Variants in TEX36 observed in about 807,000 individuals in gnomAD.
The protein encoded by TEX36 is testis expressed 36, also known as testis-expressed protein 36.
TEX36 carries 12 observed loss-of-function variants against 13.6 expected under a neutral mutation model. The ratio of observed to expected loss-of-function variants is 0.88; its 90% CI spans 0.56 to 1.43. The LOEUF is 1.43. Ranked by LOEUF, TEX36 falls within the 40% of genes most tolerant of loss-of-function variation. TEX36 has a pLI of 0.00. For missense variants in TEX36, 224 were observed against 228.3 expected (o/e 0.98, Z 0.12); for synonymous variants, 93 against 83.0 (o/e 1.12, Z -0.65).
At chr10:125,665,076 GGTTGTTGTTGTT>G (rs144778574) in intron 1 of TEX36, among the ~76,000 whole-genome samples, 1 of 151,710 alleles carries the variant, frequency 6.6e-6, no homozygotes, top group Non-Finnish European at 1.5e-5. Context: ...TTGGTTTTTT[GGTTGTTGTTGTT>G]GTTGTTGTTG....
chr10:125,655,747 C>T lies in TEX36; in HGVS notation c.*153G>A. 4.5e-6 allele frequency: 6 copies of T among 1,331,584 alleles called. No homozygotes were observed. Among genetic ancestry groups the T allele is most frequent in the Non-Finnish European group, 5.7e-6 (6 of 1,043,544 alleles). 82.5% of individuals were successfully genotyped at this position (1,331,584 alleles called of 1,614,324 possible). On this transcript the variant is annotated 3_prime_UTR_variant, in exon 4 of 4. Coordinates refer to ENST00000368821, the MANE Select transcript of TEX36 (RefSeq NM_001128202.3). ...ACACATGCGTATGTCATCACAAATT[C>T]ATTTCACAAGGATTTGAATGTTTTT...
intron 3 of TEX36, among the ~76,000 whole-genome samples, chr10:125,616,443 C>T (rs1244544199): frequency 7.8e-6 from 1 of 128,084 alleles, no homozygotes; most frequent in African/African-American, 3.0e-5. Flanking sequence ...TTTCCCTCTA[C>T]ACACTGCTTT....
At position 125,666,860 on chromosome 10, in the gene TEX36, G is replaced by T. The variant is rs7098714; in HGVS notation, c.52-4883C>A. ...GGGGCCTGGAGTGTTGGGAACAGCC[G>T]GGGAACACCTCCACTTAGTAGGTAT... On this transcript the variant is annotated intron_variant, in intron 1 of 3. Coordinates refer to ENST00000368821, the MANE Select transcript of TEX36 (RefSeq NM_001128202.3). 3,098 of 354,904 alleles carry T rather than the reference G, an allele frequency of 8.7e-3. 82 individuals carry two copies. The highest frequency in any genetic ancestry group is 0.058 in the African/African-American group (2,757 of 47,450). 22.0% of individuals were successfully genotyped at this position (354,904 alleles called of 1,614,324 possible).
At chr10:125,610,666 T>A (rs167216) in intron 3 of TEX36, among the ~76,000 whole-genome samples, 62,111 of 151,332 alleles carry the variant, frequency 0.41, 14,560 homozygotes, top group African/African-American at 0.65. Flanking sequence ...AGATTTTTTT[T>A]AAATTTTAAC....
downstream of TEX36, among the ~76,000 whole-genome samples, chr10:125,618,967 A>T (rs1246230831): frequency 6.9e-6 from 1 of 145,770 alleles, no homozygotes; most frequent in Non-Finnish European, 1.5e-5. Flanking sequence ...AAAAAAAAAA[A>T]AAAATACAAA....
At chr10:125,604,695 C>T (rs1846194068) in intron 3 of TEX36, among the ~76,000 whole-genome samples, 1 of 152,012 alleles carries the variant, frequency 6.6e-6, no homozygotes, top group Admixed American at 6.6e-5. Flanking sequence ...GCCTGTAGTC[C>T]CAGCTACTCA....
rs149630211 is a variant in TEX36, at chr10:125,668,840, G to T, written c.52-6863C>A. ...TTTATGTAATCTTTCTACCATTTTTGATGTAGGTATTTATTGCTATAAATT... is the reference window on the plus strand; with the variant it reads ...TTTATGTAATCTTTCTACCATTTTTTATGTAGGTATTTATTGCTATAAATT... On this transcript the variant is annotated intron_variant, in intron 1 of 3. Coordinates refer to ENST00000368821, the MANE Select transcript of TEX36 (RefSeq NM_001128202.3). Among the ~76,000 whole-genome samples the T allele has an allele frequency of 2.4e-3, 371 of 152,246 alleles. 2 individuals are homozygous for T. The highest frequency in any genetic ancestry group is 8.5e-3 in the African/African-American group (351 of 41,530).
At chr10:125,604,121 T>C (rs866307463) in intron 3 of TEX36, among the ~76,000 whole-genome samples, 4 of 152,044 alleles carry the variant, frequency 2.6e-5, no homozygotes, top group South Asian at 2.1e-4. Flanking sequence ...TCCCATAAAA[T>C]GTGACCAGAG....
chr10:125,586,635 C>CAAAAAAAAAAAAAAA (rs35078105), intron 3 of TEX36, among the ~76,000 whole-genome samples: 1 of 113,872 alleles, frequency 8.8e-6, no homozygotes, highest in Non-Finnish European at 1.7e-5. Context: ...ACTAAAAATC[C>CAAAAAAAAAAAAAAA]AAAAAAAAAA....
chr10:125,677,934 G>A lies in TEX36; in HGVS notation c.51+5005C>T, dbSNP rs1039283255. 1.1e-4 allele frequency among the ~76,000 whole-genome samples: 17 copies of A among 152,036 alleles called. 1 individual carries two copies. The highest frequency in any genetic ancestry group is 3.4e-4 in the African/African-American group (14 of 41,408). ...TGACCTCAAATAATCTGCCCACCTC[G>A]GCCTCCCAAAGTGCTGGGATTACAG... is the stretch of plus-strand genomic sequence containing the variant. On this transcript the variant is annotated intron_variant, in intron 1 of 3. Coordinates refer to ENST00000368821, the MANE Select transcript of TEX36 (RefSeq NM_001128202.3).
At chr10:125,582,335 T>C (rs1051762022) in intron 3 of TEX36, among the ~76,000 whole-genome samples, 1 of 152,176 alleles carries the variant, frequency 6.6e-6, no homozygotes, top group African/African-American at 2.4e-5. Flanking sequence ...GACCACAAAT[T>C]TTCTGCACAT....
downstream of TEX36, among the ~76,000 whole-genome samples, chr10:125,619,896 CAT>C (rs747068964): frequency 1.9e-4 from 28 of 150,194 alleles, no homozygotes; most frequent in East Asian, 2.3e-3. Context: ...TATATGTGTG[CAT>C]ATATATATAT....
intron 1 of TEX36, among the ~76,000 whole-genome samples, chr10:125,668,271 T>G (rs1847159892): frequency 6.6e-6 from 1 of 152,128 alleles, no homozygotes; most frequent in East Asian, 1.9e-4. Flanking sequence ...AAAATTCAGC[T>G]GTGAATCCAA....
chr10:125,637,299 A>C (rs1432554023), intron 3 of TEX36, among the ~76,000 whole-genome samples: 1 of 148,622 alleles, frequency 6.7e-6, no homozygotes, highest in Non-Finnish European at 1.5e-5. Flanking sequence ...ACAGGGTGAG[A>C]CCCTGTCTCA....
At chr10:125,644,926 G>A (rs1846744944) in intron 3 of TEX36, among the ~76,000 whole-genome samples, 1 of 152,172 alleles carries the variant, frequency 6.6e-6, no homozygotes. Flanking sequence ...TTCCATTGCT[G>A]GGATTGGAGA....
At chr10:125,667,405 G>A in intron 1 of TEX36, 1 of 662,760 alleles carries the variant, frequency 1.5e-6, no homozygotes, top group Non-Finnish European at 2.9e-6. Flanking sequence ...TGGGCACAAT[G>A]CCACTCTGCT....
intron 1 of TEX36, among the ~76,000 whole-genome samples, chr10:125,670,671 C>T (rs12411473): frequency 0.043 from 6,524 of 152,180 alleles, 353 homozygotes; most frequent in African/African-American, 0.12. Context: ...TTTGCCCTTT[C>T]CTATGTCCTG....
chr10:125,663,409 A>T (rs750481154), intron 1 of TEX36, among the ~76,000 whole-genome samples: 1 of 152,160 alleles, frequency 6.6e-6, no homozygotes, highest in African/African-American at 2.4e-5. Context: ...TTTAGTAGAT[A>T]CTCAGTAGTA....
chr10:125,623,370 C>T (rs1162831491), intron 3 of TEX36, among the ~76,000 whole-genome samples: 1 of 152,138 alleles, frequency 6.6e-6, no homozygotes, highest in Non-Finnish European at 1.5e-5. Context: ...CTGGCAACAC[C>T]CTCCAAGACA....
Sources: gnomAD v4.1 joint callset for allele counts (sites outside exome capture counted in the v4.1 genomes callset) on GRCh38, gnomAD v4.1.1 for gene constraint, MANE v1.5 for transcripts, NCBI Gene and HGNC (gene_info 2026-07-23, HGNC 2026-07-21) for gene names.